Variants in ULK4 observed in about 807,000 individuals in gnomAD.
ULK4 encodes the protein inactive serine/threonine-protein kinase ULK4.
ULK4 carries 133 observed loss-of-function variants against 160.6 expected under a neutral mutation model. The observed-to-expected ratio is 0.83, with a 90% CI of 0.72 to 0.96. The LOEUF (loss-of-function observed/expected upper bound fraction) is 0.96. Ranked by LOEUF, ULK4 falls within the 40% of genes least tolerant of loss-of-function variation. The pLI is 0.00. For synonymous variants in ULK4, 534 were observed against 539.8 expected (o/e 0.99, Z 0.15); for missense variants, 1,580 against 1,499.5 (o/e 1.05, Z -0.89).
intron 5 of ULK4, among the ~76,000 whole-genome samples, chr3:41,926,134 C>T (rs979503364): frequency 3.3e-5 from 5 of 152,140 alleles, no homozygotes; most frequent in Non-Finnish European, 7.4e-5. Context: ...CCCTCCAGGA[C>T]GAAGCTTCCA....
At chr3:41,292,153 G>T (rs1056965456) in intron 35 of ULK4, among the ~76,000 whole-genome samples, 2 of 151,962 alleles carry the variant, frequency 1.3e-5, no homozygotes, top group African/African-American at 4.8e-5. Flanking sequence ...TTTTCTCTAG[G>T]TATATTATTT....
intron 11 of ULK4, among the ~76,000 whole-genome samples, chr3:41,910,100 T>C (rs1247471104): frequency 6.6e-6 from 1 of 152,078 alleles, no homozygotes; most frequent in Non-Finnish European, 1.5e-5. Flanking sequence ...TTCGCCATGT[T>C]GTCCAGGCTT....
At chr3:41,632,260 T>C (rs1056588591) in intron 30 of ULK4, among the ~76,000 whole-genome samples, 19 of 152,234 alleles carry the variant, frequency 1.2e-4, no homozygotes, top group Admixed American at 1.2e-3. Flanking sequence ...CACTAGATTG[T>C]ACCAGCATTT....
rs1246049139 is a variant in ULK4, at chr3:41,750,982, G to A, written c.2321+3379C>T. 3.3e-5 allele frequency among the ~76,000 whole-genome samples: 4 copies of A among 120,596 alleles called. No individual in the cohort carries two copies. In the South Asian group the frequency reaches 1.1e-3, roughly 34 times the overall value. The allele number at this position is 120,596 out of a possible 152,430, so 79.1% of individuals were successfully genotyped here. ...ACCTCAAAAAAAAAAAAGAGAGAGAGAGAAAGAGAGAGAGAGAGGAAGGGA... is the reference window on the plus strand; with the variant it reads ...ACCTCAAAAAAAAAAAAGAGAGAGAAAGAAAGAGAGAGAGAGAGGAAGGGA... On this transcript the variant is annotated intron_variant, in intron 22 of 36. Transcript: ENST00000301831.
chr3:41,502,420 A>G (rs1034847008), intron 32 of ULK4, among the ~76,000 whole-genome samples: 5 of 152,236 alleles, frequency 3.3e-5, no homozygotes, highest in African/African-American at 1.2e-4. Flanking sequence ...AAGCACATTT[A>G]CCATATAACC....
chr3:41,559,606 T>C (rs7426950), intron 32 of ULK4, among the ~76,000 whole-genome samples: 56,167 of 146,402 alleles, frequency 0.38, 10,203 homozygotes, highest in Non-Finnish European at 0.47. Context: ...TGGTTTTGAT[T>C]TGCATTTCTC....
intron 34 of ULK4, among the ~76,000 whole-genome samples, chr3:41,411,825 T>C (rs964729944): frequency 6.6e-6 from 1 of 152,146 alleles, no homozygotes; most frequent in East Asian, 1.9e-4. Flanking sequence ...GCCCCTCTTT[T>C]CGTGGACATT....
At chr3:41,322,440 T>C (rs2080263952) in intron 35 of ULK4, among the ~76,000 whole-genome samples, 1 of 152,102 alleles carries the variant, frequency 6.6e-6, no homozygotes, top group Non-Finnish European at 1.5e-5. Context: ...ATAATTGAGG[T>C]TGCTGTAGAC....
At chr3:41,696,961 G>T (rs892631234) in intron 27 of ULK4, among the ~76,000 whole-genome samples, 2 of 152,118 alleles carry the variant, frequency 1.3e-5, no homozygotes, top group Non-Finnish European at 2.9e-5. Flanking sequence ...GTTGGAAAAG[G>T]CAAGGAAGGA....
chr3:41,389,967 C>T (rs1197896495), intron 35 of ULK4, among the ~76,000 whole-genome samples: 1 of 152,108 alleles, frequency 6.6e-6, no homozygotes, highest in South Asian at 2.1e-4. Context: ...CTCCTTGTAC[C>T]TCTGGTAGAA....
At chr3:41,493,809 A>C (rs1231558581) in intron 32 of ULK4, among the ~76,000 whole-genome samples, 1 of 147,580 alleles carries the variant, frequency 6.8e-6, no homozygotes, top group Non-Finnish European at 1.5e-5. Flanking sequence ...ACCTCTACAC[A>C]AATAAACTAG....
At chr3:41,794,666 AAAAAAAAAAAAAAAAAAAAACACAG>A (rs1476989001) in intron 20 of ULK4, among the ~76,000 whole-genome samples, 36 of 108,548 alleles carry the variant, frequency 3.3e-4, no homozygotes, top group Non-Finnish European at 5.0e-4. Flanking sequence ...GTCTCAAAAA[AAAAAAAAAAAAAAAAAAAAACACAG>A]AAAAAAAAAC....
intron 20 of ULK4, among the ~76,000 whole-genome samples, chr3:41,794,760 A>G (rs1259077794): frequency 6.6e-6 from 1 of 151,472 alleles, no homozygotes. Context: ...GAGGCGAGAG[A>G]GCAGAGTCAG....
intron 22 of ULK4, among the ~76,000 whole-genome samples, chr3:41,745,571 T>G (rs1230129011): frequency 2.0e-5 from 3 of 151,644 alleles, no homozygotes; most frequent in Non-Finnish European, 2.9e-5. Context: ...ACAAAAATTT[T>G]AAAGAAAAAT....
intron 18 of ULK4, among the ~76,000 whole-genome samples, chr3:41,831,531 A>ATATATATATATATATTTTTTTTTTTTTTT: frequency 2.5e-4 from 34 of 138,062 alleles, no homozygotes; most frequent in African/African-American, 7.7e-4. Context: ...ATATATATAT[A>ATATATATATATATATTTTTTTTTTTTTTT]TTTTTTTTTC....
At chr3:41,277,414 G>T (rs1020433806) in intron 35 of ULK4, among the ~76,000 whole-genome samples, 1 of 152,164 alleles carries the variant, frequency 6.6e-6, no homozygotes, top group African/African-American at 2.4e-5. Flanking sequence ...GATCAAGTGG[G>T]TTTCATATTA....
chr3:41,917,253 C>T (rs1699001171), intron 7 of ULK4, among the ~76,000 whole-genome samples: 1 of 152,036 alleles, frequency 6.6e-6, no homozygotes, highest in Admixed American at 6.6e-5. Flanking sequence ...CTTGAAATCC[C>T]AGCACTTTGA....
chr3:41,748,500 T>C (rs2038499348), intron 22 of ULK4, among the ~76,000 whole-genome samples: 1 of 152,160 alleles, frequency 6.6e-6, no homozygotes, highest in African/African-American at 2.4e-5. Flanking sequence ...CCCTGGGGAA[T>C]CATACCACAA....
intron 17 of ULK4, among the ~76,000 whole-genome samples, chr3:41,877,338 G>C (rs1697343173): frequency 2.9e-5 from 2 of 68,592 alleles, no homozygotes; most frequent in South Asian, 1.2e-3. Context: ...TAATGGCCAA[G>C]AGTGTTTTTT....
Sources: gnomAD v4.1 joint callset for allele counts (sites outside exome capture counted in the v4.1 genomes callset) on GRCh38, gnomAD v4.1.1 for gene constraint, MANE v1.5 for transcripts, NCBI Gene and HGNC (gene_info 2026-07-23, HGNC 2026-07-21) for gene names.